HMCN1: variants seen among roughly 807,000 people sequenced by gnomAD.
HMCN1 encodes the protein hemicentin-1.
HMCN1 carries 321 observed loss-of-function variants against 625.9 expected under a neutral mutation model. The ratio of observed to expected loss-of-function variants is 0.51; its 90% CI spans 0.47 to 0.56. The LOEUF (loss-of-function observed/expected upper bound fraction) is 0.56, where lower values mean the gene tolerates loss of function less well. HMCN1 is among the 20% of genes least tolerant of loss of function. The pLI is 0.00. For missense variants in HMCN1, 6,588 were observed against 6,887.3 expected, an observed-to-expected ratio of 0.96 and a Z score of 1.54; for synonymous variants, 2,425 against 2,417.6, an observed-to-expected ratio of 1.00 and a Z score of -0.09.
chr1:185,783,805 A>T lies in HMCN1; in HGVS notation c.268+48758A>T, dbSNP rs991350007. On this transcript the variant is annotated intron_variant, in intron 1 of 106. Coordinates refer to ENST00000271588, the MANE Select transcript of HMCN1 (RefSeq NM_031935.3). ...TACTCGGGGGTCAGGGACCCACTTG[A>T]GGAGGCAGTCTGACCGTTCTCAGAT... Among the ~76,000 whole-genome samples the T allele has an allele frequency of 3.3e-5, 5 of 152,208 alleles. No homozygotes were observed. The East Asian group carries it at 9.6e-4, about 29-fold the overall frequency.
intron 25 of HMCN1, among the ~76,000 whole-genome samples, chr1:185,997,735 C>A (rs74134273): frequency 3.3e-5 from 5 of 151,330 alleles, no homozygotes; most frequent in Non-Finnish European, 7.4e-5. Flanking sequence ...AATGTAAAGA[C>A]TTTCCATTCT....
intron 56 of HMCN1, among the ~76,000 whole-genome samples, chr1:186,081,900 C>A (rs1306037191): frequency 1.3e-5 from 2 of 152,124 alleles, no homozygotes; most frequent in African/African-American, 2.4e-5. Context: ...AATACCAATT[C>A]TTTTGTTAGG....
At position 186,000,026 on chromosome 1, in the gene HMCN1, A is replaced by G; in HGVS notation, c.3875-19A>G. The G allele has an allele frequency of 6.4e-7, 1 of 1,560,270 alleles. No individual in the cohort carries two copies. The highest frequency in any genetic ancestry group is 1.4e-5 in the African/African-American group (1 of 73,734). On this transcript the variant is annotated intron_variant, in intron 25 of 106. Transcript: ENST00000271588. ...TGTTTTTGTTGTAAAATATCACAAG[A>G]CTTTAATTTCTTATTTAGGTACCCC...
chr1:186,137,035 T>C, intron 87 of HMCN1, 98 bp downstream of exon 87: 1 of 1,393,660 alleles, frequency 7.2e-7, no homozygotes, highest in East Asian at 2.3e-5. Flanking sequence ...CCTGTCACCT[T>C]AACATACTTT....
chr1:185,885,871 C>G (rs1355952496), intron 4 of HMCN1, among the ~76,000 whole-genome samples: 3 of 151,986 alleles, frequency 2.0e-5, no homozygotes, highest in Non-Finnish European at 4.4e-5. Flanking sequence ...TAATACTGTG[C>G]TTTTCATAGT....
At chr1:185,739,877 A>G (rs187512943) in intron 1 of HMCN1, among the ~76,000 whole-genome samples, 71 of 152,338 alleles carry the variant, frequency 4.7e-4, no homozygotes, top group African/African-American at 1.7e-3. Flanking sequence ...AAATTCGGTC[A>G]TTAGGGAAGT....
At chr1:185,938,682 C>T (rs1002918224) in intron 11 of HMCN1, among the ~76,000 whole-genome samples, 1 of 152,072 alleles carries the variant, frequency 6.6e-6, no homozygotes, top group Non-Finnish European at 1.5e-5. Context: ...AGTCCAACAG[C>T]AGAAGCAAAT....
intron 82 of HMCN1, among the ~76,000 whole-genome samples, chr1:186,126,179 T>C (rs1014629066): frequency 2.0e-5 from 3 of 152,054 alleles, no homozygotes; most frequent in Admixed American, 2.0e-4. Context: ...AATGTTAAAC[T>C]TTTTTAAAAA....
chr1:186,060,851 A>G (rs769931342), intron 46 of HMCN1, among the ~76,000 whole-genome samples: 1 of 152,110 alleles, frequency 6.6e-6, no homozygotes, highest in East Asian at 1.9e-4. Flanking sequence ...CCCATATTAC[A>G]TGTTCAATGG....
At chr1:186,177,923 A>G (rs1652701282) in intron 103 of HMCN1, among the ~76,000 whole-genome samples, 1 of 152,086 alleles carries the variant, frequency 6.6e-6, no homozygotes, top group Admixed American at 6.6e-5. Context: ...AATTTTAACA[A>G]TTTAAGATGT....
chr1:186,033,079 C>A (rs1362216342), intron 36 of HMCN1, among the ~76,000 whole-genome samples: 1 of 151,882 alleles, frequency 6.6e-6, no homozygotes, highest in Non-Finnish European at 1.5e-5. Flanking sequence ...CACACACACA[C>A]ACACACACAC....
chr1:185,775,419 A>C (rs1036578601), intron 1 of HMCN1, among the ~76,000 whole-genome samples: 2 of 151,910 alleles, frequency 1.3e-5, no homozygotes, highest in African/African-American at 4.9e-5. Flanking sequence ...CTCTTAAAAA[A>C]AGAAAAAAAT....
chr1:186,174,651 A>T lies in HMCN1; in HGVS notation c.15943+9A>T, dbSNP rs1188945573. The stretch of plus-strand genomic sequence containing the variant: ...TGGAAGACCCTGCATGGGTAAGTTA[A>T]TAGGAACTTGTTGAGCAATAAAGCT... On this transcript the variant is annotated intron_variant, in intron 103 of 106. Coordinates refer to ENST00000271588, the MANE Select transcript of HMCN1 (RefSeq NM_031935.3). The T allele has an allele frequency of 6.2e-7, 1 of 1,613,802 alleles. No individual in the cohort carries two copies. Among genetic ancestry groups the T allele is most frequent in the Non-Finnish European group, 8.5e-7 (1 of 1,179,842 alleles).
At chr1:185,835,127 A>G (rs1661091219) in intron 1 of HMCN1, among the ~76,000 whole-genome samples, 1 of 152,202 alleles carries the variant, frequency 6.6e-6, no homozygotes, top group Non-Finnish European at 1.5e-5. Context: ...TACAACAAAG[A>G]AACAATCTCT....
At chr1:185,956,739 G>T (rs1047255534) in intron 11 of HMCN1, among the ~76,000 whole-genome samples, 1 of 152,114 alleles carries the variant, frequency 6.6e-6, no homozygotes, top group African/African-American at 2.4e-5. Context: ...GATTTTGAGG[G>T]TGGGGTTGGA....
intron 1 of HMCN1, among the ~76,000 whole-genome samples, chr1:185,829,503 T>A (rs1660726615): frequency 6.6e-6 from 1 of 151,990 alleles, no homozygotes; most frequent in South Asian, 2.1e-4. Context: ...ATGAGAAAAT[T>A]CGGTGTTTGG....
intron 1 of HMCN1, among the ~76,000 whole-genome samples, chr1:185,841,859 A>G (rs549469125): frequency 1.2e-3 from 189 of 152,338 alleles, no homozygotes; most frequent in African/African-American, 4.5e-3. Flanking sequence ...CATGTGTTTT[A>G]GAGTATTGTG....
At chr1:185,893,082 G>A (rs1027554513) in intron 4 of HMCN1, among the ~76,000 whole-genome samples, 42 of 152,290 alleles carry the variant, frequency 2.8e-4, no homozygotes, top group Admixed American at 1.5e-3. Context: ...TCCAGGTGCC[G>A]TCCGTTACCC....
Position 186,039,848 on chromosome 1 carries a change from G to A in HMCN1, c.6149G>A (p.Ser2050Asn). 1 of 1,613,390 alleles carries A rather than the reference G, an allele frequency of 6.2e-7. No homozygotes were observed. Among genetic ancestry groups the A allele is most frequent in the South Asian group, 1.1e-5 (1 of 91,082 alleles). Residue 2050 changes from serine to asparagine, a missense_variant, in exon 39 of 107, where the codon AGT (serine) becomes AAT (asparagine). Physicochemically the swap from Ser to Asn is conservative, Grantham distance 46 (BLOSUM62 1). Transcript: ENST00000271588. Reference protein sequence around the residue: ...APSLTWLKDGSPVSSFSNGLQ... With the variant: ...APSLTWLKDGNPVSSFSNGLQ... ...AGTCTGACCTGGTTGAAAGATGGGA[G>A]TCCTGTTTCTAGTTTTTCTAATGGA...
Sources: gnomAD v4.1 joint callset for allele counts (sites outside exome capture counted in the v4.1 genomes callset) on GRCh38, gnomAD v4.1.1 for gene constraint, MANE v1.5 for transcripts, NCBI Gene and HGNC (gene_info 2026-07-23, HGNC 2026-07-21) for gene names.